SBNO2: variants seen among roughly 807,000 people sequenced by gnomAD.
SBNO2 encodes the protein protein strawberry notch homolog 2.
In SBNO2, 89 loss-of-function variants were observed where a neutral mutation model predicts 146.3. The observed-to-expected ratio is 0.61, with a 90% CI of 0.51 to 0.73. SBNO2 has a LOEUF of 0.73. SBNO2 is among the 30% of genes least tolerant of loss of function. SBNO2 has a pLI of 0.00. For missense variants in SBNO2, 2,092 were observed against 2,003.7 expected, an observed-to-expected ratio of 1.04 and a Z score of -0.84; for synonymous variants, 1,147 against 892.6, an observed-to-expected ratio of 1.29 and a Z score of -5.08.
chr19:1,135,625 G>C (rs1298368435), intron 4 of SBNO2, among the ~76,000 whole-genome samples: 1 of 152,238 alleles, frequency 6.6e-6, no homozygotes, highest in East Asian at 1.9e-4. Flanking sequence ...CTCCGCCTCT[G>C]TCCAGGGTGC....
At chr19:1,167,482 G>A (rs923598646) in intron 1 of SBNO2, among the ~76,000 whole-genome samples, 3 of 152,180 alleles carry the variant, frequency 2.0e-5, no homozygotes, top group Non-Finnish European at 4.4e-5. Context: ...GTGGCCACTG[G>A]GCTGAGGCCC....
chr19:1,147,284 C>T (rs773945808), intron 4 of SBNO2, 25 bp downstream of exon 4: 30 of 1,492,192 alleles, frequency 2.0e-5, no homozygotes, highest in African/African-American at 5.7e-5. Flanking sequence ...CCCCCCACGG[C>T]GCGGTGAGCT....
In SBNO2 at chr19:1,108,219, G is replaced by C; in HGVS notation, c.*1C>G. 1 of 1,527,562 alleles carries C rather than the reference G, an allele frequency of 6.5e-7. No individual in the cohort carries two copies. Among genetic ancestry groups the C allele is most frequent in the Non-Finnish European group, 8.8e-7 (1 of 1,135,338 alleles). 94.6% of individuals were successfully genotyped at this position (1,527,562 alleles called of 1,614,324 possible). The stretch of plus-strand genomic sequence containing the variant: ...TGGGGCATGTTTCGCCTAAAGGCGT[G>C]TCAGAGAGGAGCCTGGGCGCCGGGG... On this transcript the variant is annotated 3_prime_UTR_variant, in exon 32 of 32. Coordinates refer to ENST00000361757, the MANE Select transcript of SBNO2 (RefSeq NM_014963.3).
chr19:1,147,645 G>A (rs2080206090), intron 3 of SBNO2, among the ~76,000 whole-genome samples: 1 of 152,020 alleles, frequency 6.6e-6, no homozygotes, highest in Non-Finnish European at 1.5e-5. Flanking sequence ...CAGCCCGGCA[G>A]AGCTCCTACG....
chr19:1,108,773 A>G lies in SBNO2; in HGVS notation c.3616+6T>C, dbSNP rs1477647227. 1 of 1,600,742 alleles carries G rather than the reference A, an allele frequency of 6.2e-7. No homozygotes were observed. The highest frequency in any genetic ancestry group is 8.5e-7 in the Non-Finnish European group (1 of 1,178,448). ...GGCCTTCCCGGGGCGCCCGCCGCCC[A>G]CTCACCCACTTGCTTCTTCCTGTCC... On this transcript the variant is annotated splice_donor_region_variant and intron_variant, in intron 31 of 31. Coordinates refer to ENST00000361757, the MANE Select transcript of SBNO2 (RefSeq NM_014963.3).
chr19:1,120,023 T>C lies in SBNO2; in HGVS notation c.1150A>G (p.Ile384Val), dbSNP rs1251008593. ...DWCGEAFEGV[I>V]VFDECHKAKN... ...GCTTTGTGACACTCGTCGAACACGA[T>C]CTGAGGCACACGTGGGTTAAGGAGT... The change falls in exon 12 of 32, where the codon ATC (isoleucine) becomes GTC (valine). Residue 384 changes from isoleucine (I) to valine (V), a missense_variant and splice_region_variant. Ile to Val is a conservative substitution (Grantham distance 29). Transcript: ENST00000361757. 9.0e-6 allele frequency: 14 copies of C among 1,550,474 alleles called. No homozygotes were observed. Among genetic ancestry groups the C allele is most frequent in the Admixed American group, 2.0e-5 (1 of 51,004 alleles).
intron 4 of SBNO2, among the ~76,000 whole-genome samples, chr19:1,141,183 G>A (rs926891724): frequency 3.9e-5 from 6 of 151,952 alleles, no homozygotes; most frequent in African/African-American, 1.4e-4. Flanking sequence ...TGACTCCCCC[G>A]GTCCAACAAG....
At chr19:1,155,147 C>T (rs924840137) in intron 1 of SBNO2, 3 of 152,268 alleles carry the variant, frequency 2.0e-5, no homozygotes, top group Non-Finnish European at 4.4e-5. Context: ...AGGCGTCCGC[C>T]CAGCATGCTC....
At position 1,150,570 on chromosome 19, in the gene SBNO2, A is replaced by G. The variant is rs373023765; in HGVS notation, c.94-1128T>C. On this transcript the variant is annotated intron_variant, in intron 2 of 31. Coordinates refer to ENST00000361757, the MANE Select transcript of SBNO2 (RefSeq NM_014963.3). This position sits in a 1 kb window ranked among gnomAD's most constrained non-coding sequence, Gnocchi z 6.2. ...TGCCGTCACGGACGCCCCCGTGGTC[A>G]TGGGGGAGACACCACCAGCCGGGGG... Among the ~76,000 whole-genome samples, 1 of 151,920 alleles carries G rather than the reference A, an allele frequency of 6.6e-6. No homozygotes were observed. Among genetic ancestry groups the G allele is most frequent in the South Asian group, 2.1e-4 (1 of 4,806 alleles).
chr19:1,118,958 C>G, intron 14 of SBNO2, 53 bp downstream of exon 14: 1 of 1,531,460 alleles, frequency 6.5e-7, no homozygotes, highest in Non-Finnish European at 8.8e-7. Context: ...CACGGGGGAG[C>G]AATTTCACCC....
At chr19:1,124,254 A>G (rs2079939702) in intron 5 of SBNO2, among the ~76,000 whole-genome samples, 1 of 152,194 alleles carries the variant, frequency 6.6e-6, no homozygotes, top group Non-Finnish European at 1.5e-5. Context: ...CCTCCTGGCC[A>G]GCACCTGGCT....
intron 4 of SBNO2, among the ~76,000 whole-genome samples, chr19:1,129,853 G>A (rs373745490): frequency 4.6e-5 from 7 of 152,248 alleles, no homozygotes; most frequent in Non-Finnish European, 5.9e-5. Flanking sequence ...GTCCTTCCCC[G>A]GAGCTCAGCG....
At position 1,164,333 on chromosome 19, in the gene SBNO2, G is replaced by A. The variant is rs1599882501; in HGVS notation, c.-127+9839C>T. Among the ~76,000 whole-genome samples, 4 of 151,660 alleles carry A rather than the reference G, an allele frequency of 2.6e-5. No individual in the cohort carries two copies. In the East Asian group the frequency reaches 7.7e-4, roughly 29 times the overall value. The stretch of plus-strand genomic sequence containing the variant: ...CAGCACAAAGCCTCCCCCGTGCACA[G>A]GAACAGGTGCTAGGACACTGTGGGG... On this transcript the variant is annotated intron_variant, in intron 1 of 31. Transcript: ENST00000361757.
Position 1,158,052 on chromosome 19 carries a change from C to T in SBNO2, c.-126-3650G>A, listed in dbSNP as rs546562390. On this transcript the variant is annotated intron_variant, in intron 1 of 31. Coordinates refer to ENST00000361757, the MANE Select transcript of SBNO2 (RefSeq NM_014963.3). This position sits in a 1 kb window ranked among gnomAD's most constrained non-coding sequence, Gnocchi z 9.9. ...GCCTCCCGTCTCTCTCTCCTGAGTC[C>T]GGGTAACTGCGGCCGCCTCCCGCCT... Among the ~76,000 whole-genome samples the T allele has an allele frequency of 4.6e-5, 7 of 152,252 alleles. No homozygotes were observed. Among genetic ancestry groups the T allele is most frequent in the South Asian group, 2.1e-4 (1 of 4,832 alleles).
chr19:1,159,069 G>A (rs533360565), intron 1 of SBNO2, among the ~76,000 whole-genome samples: 5 of 151,082 alleles, frequency 3.3e-5, no homozygotes, highest in East Asian at 3.9e-4. Flanking sequence ...GGCTGCAACC[G>A]CCGCCCCACA....
At chr19:1,118,521 C>A (rs2079859802) in intron 14 of SBNO2, among the ~76,000 whole-genome samples, 1 of 152,074 alleles carries the variant, frequency 6.6e-6, no homozygotes, top group Admixed American at 6.5e-5. Flanking sequence ...GCTTGGGCAC[C>A]ACAGGAAGGG....
chr19:1,110,582 A>G lies in SBNO2; in HGVS notation c.3028+163T>C, dbSNP rs1439735850. ...CCCACCTGGGATGCCCGGCGTTCCC[A>G]CGAGCCCCTCGCCCACCCGGGATGC... On this transcript the variant is annotated intron_variant, in intron 26 of 31. Coordinates refer to ENST00000361757, the MANE Select transcript of SBNO2 (RefSeq NM_014963.3). This position sits in a 1 kb window ranked among gnomAD's most constrained non-coding sequence, Gnocchi z 4.9. 1.3e-6 allele frequency: 1 copy of G among 792,980 alleles called. No homozygotes were observed. Among genetic ancestry groups the G allele is most frequent in the Non-Finnish European group, 1.8e-6 (1 of 553,830 alleles). The allele number at this position is 792,980 out of a possible 1,614,324, so 49.1% of individuals were successfully genotyped here.
At position 1,157,457 on chromosome 19, in the gene SBNO2, G is replaced by A. The variant is rs113950589; in HGVS notation, c.-126-3055C>T. On this transcript the variant is annotated intron_variant, in intron 1 of 31. Coordinates refer to ENST00000361757, the MANE Select transcript of SBNO2 (RefSeq NM_014963.3). This position sits in a 1 kb window ranked among gnomAD's most constrained non-coding sequence, Gnocchi z 6.8. ...CGGCCCCGGTGACACGGCCCACCCC[G>A]AGCCTCAGAGCCACGGGCCAGCCAA... Among the ~76,000 whole-genome samples, 1,320 of 148,552 alleles carry A rather than the reference G, an allele frequency of 8.9e-3. 8 individuals are homozygous for A. Among genetic ancestry groups the A allele is most frequent in the Non-Finnish European group, 0.014 (947 of 66,802 alleles).
At chr19:1,120,274 G>C in intron 11 of SBNO2, 1 of 508,366 alleles carries the variant, frequency 2.0e-6, no homozygotes, top group South Asian at 2.8e-5. Context: ...AACACACACC[G>C]AGGATGGGGC....
Sources: allele counts gnomAD v4.1 joint callset (sites outside exome capture counted in the v4.1 genomes callset), GRCh38; gene constraint gnomAD v4.1.1; non-coding constraint Gnocchi (gnomAD v3.1); transcripts MANE v1.5; gene names NCBI Gene and HGNC (gene_info 2026-07-23, HGNC 2026-07-21).